Variants in DENND1B observed in about 807,000 individuals in gnomAD.
The protein encoded by DENND1B is DENN domain containing 1B, also known as DENN domain-containing protein 1B.
Under a neutral mutation model 90.1 loss-of-function variants are expected in DENND1B, and 59 were observed. That is an observed-to-expected ratio of 0.65 (90% CI 0.53 to 0.81). The LOEUF is 0.81. Ranked by LOEUF, DENND1B falls within the 40% of genes least tolerant of loss-of-function variation. The pLI is 0.00. For missense variants in DENND1B, 862 were observed against 912.6 expected, an observed-to-expected ratio of 0.94 and a Z score of 0.71; for synonymous variants, 337 against 324.6, an observed-to-expected ratio of 1.04 and a Z score of -0.41.
At chr1:197,737,755 T>C (rs1662839117) in intron 2 of DENND1B, among the ~76,000 whole-genome samples, 1 of 151,712 alleles carries the variant, frequency 6.6e-6, no homozygotes, top group Non-Finnish European at 1.5e-5. Context: ...TAAAAATTGG[T>C]GAATTTAAAA....
intron 15 of DENND1B, among the ~76,000 whole-genome samples, chr1:197,555,593 C>CA (rs1049225699): frequency 6.6e-6 from 1 of 152,022 alleles, no homozygotes; most frequent in African/African-American, 2.4e-5. Flanking sequence ...GGCCAAGAAA[C>CA]ATATGAAAGA....
intron 13 of DENND1B, among the ~76,000 whole-genome samples, chr1:197,603,125 T>C (rs1174359130): frequency 6.6e-6 from 1 of 151,422 alleles, no homozygotes; most frequent in Admixed American, 6.6e-5. Context: ...ATATTTTCTA[T>C]ACACCCTCAT....
intron 2 of DENND1B, among the ~76,000 whole-genome samples, chr1:197,717,505 T>TA (rs1211176713): frequency 6.6e-6 from 1 of 151,868 alleles, no homozygotes; most frequent in Non-Finnish European, 1.5e-5. Flanking sequence ...CAAATAAATA[T>TA]AAAAGGAAGA....
intron 10 of DENND1B, among the ~76,000 whole-genome samples, chr1:197,631,642 G>A (rs750515048): frequency 2.0e-5 from 3 of 151,486 alleles, no homozygotes; most frequent in Non-Finnish European, 2.9e-5. Flanking sequence ...AATCACAATG[G>A]CAGAACAACA....
intron 14 of DENND1B, 41 bp from the exon 15 acceptor site, chr1:197,583,294 T>C: frequency 6.3e-7 from 1 of 1,589,292 alleles, no homozygotes; most frequent in Non-Finnish European, 8.6e-7. Context: ...AATAAAAGGT[T>C]AGTCAGAGAG....
At chr1:197,737,277 G>C (rs1024676226) in intron 2 of DENND1B, among the ~76,000 whole-genome samples, 4 of 152,146 alleles carry the variant, frequency 2.6e-5, no homozygotes, top group African/African-American at 7.2e-5. Flanking sequence ...TATTCCTTTA[G>C]ACAATGGCTT....
chr1:197,762,017 A>C (rs1294961041), intron 2 of DENND1B: 4 of 152,164 alleles, frequency 2.6e-5, no homozygotes, highest in Admixed American at 1.3e-4. Context: ...GATTTAAGAA[A>C]TCTTCAGTAG....
chr1:197,514,939 G>A (rs749372594), intron 20 of DENND1B, among the ~76,000 whole-genome samples: 4 of 151,564 alleles, frequency 2.6e-5, no homozygotes, highest in East Asian at 1.9e-4. Flanking sequence ...TTTAAATTTC[G>A]AGTCTGGGTG....
chr1:197,734,453 T>C (rs1662446682), intron 2 of DENND1B: 1 of 984,016 alleles, frequency 1.0e-6, no homozygotes, highest in African/African-American at 1.7e-5. Flanking sequence ...CAACAAATAT[T>C]GAAAATTAAG....
Position 197,510,880 on chromosome 1 carries a change from A to T in DENND1B, c.1908T>A (p.Ser636Arg). The T allele has an allele frequency of 6.2e-7, 1 of 1,609,200 alleles. No homozygotes were observed. Among genetic ancestry groups the T allele is most frequent in the Non-Finnish European group, 8.5e-7 (1 of 1,177,766 alleles). Reference protein sequence around the residue: ...QAEWNLGQDDSALHGKHLPPS... With the variant: ...QAEWNLGQDDRALHGKHLPPS... ...GAGGGAGGTGTTTGCCATGGAGGGCACTATCGTCTTGCCCAAGATTCCACT... is the reference window on the plus strand; with the variant it reads ...GAGGGAGGTGTTTGCCATGGAGGGCTCTATCGTCTTGCCCAAGATTCCACT... Residue 636 changes from serine to arginine, a missense_variant, in exon 23 of 23, where the codon AGT becomes AGA. By Grantham distance (110) the Ser-to-Arg change is moderately radical (BLOSUM62 -1). Coordinates refer to ENST00000620048, the MANE Select transcript of DENND1B (RefSeq NM_001195215.2).
chr1:197,523,360 A>AT (rs1261917204), intron 20 of DENND1B, among the ~76,000 whole-genome samples: 1 of 152,114 alleles, frequency 6.6e-6, no homozygotes, highest in African/African-American at 2.4e-5. Flanking sequence ...TCGGCCACCT[A>AT]AGACCAATCA....
chr1:197,679,808 GTT>G (rs56246204), intron 3 of DENND1B, among the ~76,000 whole-genome samples: 10,178 of 92,380 alleles, frequency 0.11, 370 homozygotes, highest in East Asian at 0.39. Context: ...TCCAAGGGTT[GTT>G]TTTTTTTTTT....
chr1:197,700,940 G>GCTGGC (rs1658961962), intron 3 of DENND1B, among the ~76,000 whole-genome samples: 1 of 152,166 alleles, frequency 6.6e-6, no homozygotes, highest in African/African-American at 2.4e-5. Context: ...AACAATAGAT[G>GCTGGC]CTGGCGAGGC....
chr1:197,761,292 C>A (rs929781464), intron 2 of DENND1B, among the ~76,000 whole-genome samples: 19 of 151,692 alleles, frequency 1.3e-4, no homozygotes, highest in African/African-American at 4.6e-4. Context: ...TGATGAAGAC[C>A]TTCAAAAATA....
At chr1:197,747,621 C>A (rs760932646) in intron 2 of DENND1B, among the ~76,000 whole-genome samples, 21 of 152,134 alleles carry the variant, frequency 1.4e-4, no homozygotes, top group Non-Finnish European at 2.5e-4. Flanking sequence ...CTGCTACAAA[C>A]CTTCAGTTTT....
rs535173560 is a variant in DENND1B at position 197,623,370 on chromosome 1, C to A, written c.673-5611G>T. ...TTAGTGGAAACCATAAAGAAAAAAA[C>A]TGTTTAAACACATTTAATTTATATT... On this transcript the variant is annotated intron_variant, in intron 10 of 22. Coordinates refer to ENST00000620048, the MANE Select transcript of DENND1B (RefSeq NM_001195215.2). Among the ~76,000 whole-genome samples, 1,441 of 151,372 alleles carry A rather than the reference C, an allele frequency of 9.5e-3. 11 individuals are homozygous for A. The highest frequency in any genetic ancestry group is 0.015 in the Non-Finnish European group (1,033 of 67,590).
chr1:197,600,222 C>G (rs1273112618), intron 13 of DENND1B, among the ~76,000 whole-genome samples: 1 of 151,816 alleles, frequency 6.6e-6, no homozygotes, highest in Admixed American at 6.6e-5. Context: ...ATTTTCTTAT[C>G]AGTTTACTTA....
At chr1:197,705,977 T>A (rs1659493584) in intron 3 of DENND1B, among the ~76,000 whole-genome samples, 1 of 142,914 alleles carries the variant, frequency 7.0e-6, no homozygotes, top group Admixed American at 7.3e-5. Context: ...TCACGCCCAT[T>A]TATCAGACTT....
chr1:197,651,324 C>G (rs1333414697), intron 7 of DENND1B, among the ~76,000 whole-genome samples: 1 of 151,882 alleles, frequency 6.6e-6, no homozygotes, highest in Non-Finnish European at 1.5e-5. Context: ...CAAAAACTCC[C>G]AAAACATGAG....
Sources: allele counts gnomAD v4.1 joint callset (sites outside exome capture counted in the v4.1 genomes callset), GRCh38; gene constraint gnomAD v4.1.1; transcripts MANE v1.5; gene names NCBI Gene and HGNC (gene_info 2026-07-23, HGNC 2026-07-21).